LMAN2: variants seen among roughly 807,000 people sequenced by gnomAD.
LMAN2 encodes the protein vesicular integral-membrane protein VIP36.
LMAN2 carries 22 observed loss-of-function variants against 39.3 expected under a neutral mutation model. The ratio of observed to expected loss-of-function variants is 0.56; its 90% CI spans 0.40 to 0.80. LMAN2 has a LOEUF of 0.80. LMAN2 is among the 30% of genes least tolerant of loss of function. The pLI is 0.00. For synonymous variants in LMAN2, 207 were observed against 207.8 expected, an observed-to-expected ratio of 1.00 and a Z score of 0.03; for missense variants, 494 against 505.4, an observed-to-expected ratio of 0.98 and a Z score of 0.22.
intron 2 of LMAN2, among the ~76,000 whole-genome samples, chr5:177,349,219 CT>C (rs1241634627): frequency 5.9e-5 from 9 of 152,194 alleles, no homozygotes; most frequent in Non-Finnish European, 1.2e-4. Context: ...ACCACCCCCC[CT>C]GCACCACAGC....
chr5:177,337,531 C>T lies in LMAN2; in HGVS notation c.514-7G>A. ...AGATGTACGGGAACACGCGCTGGGA[C>T]CAAGACATCGGTTACTCCACAAGCA... On this transcript the variant is annotated splice_polypyrimidine_tract_variant and splice_region_variant and intron_variant, in intron 4 of 7. Transcript: ENST00000303127. This position sits in a 1 kb window ranked among gnomAD's most constrained non-coding sequence, Gnocchi z 8.2. 1 of 1,613,496 alleles carries T rather than the reference C, an allele frequency of 6.2e-7. No homozygotes were observed. Among genetic ancestry groups the T allele is most frequent in the South Asian group, 1.1e-5 (1 of 91,060 alleles).
intron 2 of LMAN2, among the ~76,000 whole-genome samples, chr5:177,347,303 C>T (rs540981529): frequency 1.2e-4 from 18 of 152,182 alleles, no homozygotes; most frequent in Admixed American, 5.9e-4. Context: ...AACCCACACA[C>T]CCATTCCCAG....
Position 177,337,314 on chromosome 5 carries a change from G to C in LMAN2, c.675+49C>G. On this transcript the variant is annotated intron_variant, in intron 5 of 7. Transcript: ENST00000303127. The surrounding 1 kb of genome is among the most constrained non-coding windows in gnomAD (Gnocchi z 8.2). Reference sequence around the variant, plus strand: ...AGCCTGCCCTCCTGAGCCTCTGTGGGACCAGCACAGGGCCACCAGCTGCCA... The same window carrying C: ...AGCCTGCCCTCCTGAGCCTCTGTGGCACCAGCACAGGGCCACCAGCTGCCA... The C allele has an allele frequency of 6.2e-7, 1 of 1,611,184 alleles. No homozygotes were observed. Among genetic ancestry groups the C allele is most frequent in the Non-Finnish European group, 8.5e-7 (1 of 1,179,698 alleles).
intron 3 of LMAN2, 99 bp downstream of exon 3, chr5:177,338,389 C>G (rs962719308): frequency 3.0e-4 from 272 of 896,580 alleles, no homozygotes; most frequent in Middle Eastern, 8.9e-4. Context: ...GACGCTGGTC[C>G]CCACGAGCCA....
rs1761484446 is a variant in LMAN2, at chr5:177,337,084, G to A, written c.790+52C>T. The A allele has an allele frequency of 1.4e-6, 2 of 1,380,662 alleles. No individual in the cohort carries two copies. Among genetic ancestry groups the A allele is most frequent in the African/African-American group, 2.8e-5 (2 of 70,534 alleles). The allele number at this position is 1,380,662 out of a possible 1,614,324, so 85.5% of individuals were successfully genotyped here. On this transcript the variant is annotated intron_variant, in intron 6 of 7. Transcript: ENST00000303127. This position sits in a 1 kb window ranked among gnomAD's most constrained non-coding sequence, Gnocchi z 8.2. Reference sequence around the variant, plus strand: ...CAATCAACTGCATGGAAAGCTCCCAGTCCCTCAGGGTGAGCTGGGCTGGGA... The same window carrying A: ...CAATCAACTGCATGGAAAGCTCCCAATCCCTCAGGGTGAGCTGGGCTGGGA...
At chr5:177,342,472 C>T (rs753328524) in intron 2 of LMAN2, among the ~76,000 whole-genome samples, 3 of 152,094 alleles carry the variant, frequency 2.0e-5, no homozygotes, top group East Asian at 1.9e-4. Flanking sequence ...ATCACCAGAG[C>T]GCAGAAGTTC....
In LMAN2 at chr5:177,339,584, T is replaced by A. The variant is rs148237638; in HGVS notation, c.316-979A>T. Among the ~76,000 whole-genome samples the A allele has an allele frequency of 7.7e-4, 117 of 152,204 alleles. 1 individual carries two copies. The highest frequency in any genetic ancestry group is 2.3e-3 in the African/African-American group (94 of 41,512). ...CACTTTCAGGAAGTCTGCAGATGGG[T>A]ATGTAAGCAAGTGATTAAACAAAGA... On this transcript the variant is annotated intron_variant, in intron 2 of 7. Transcript: ENST00000303127.
At chr5:177,339,404 G>C (rs192646862) in intron 2 of LMAN2, among the ~76,000 whole-genome samples, 39 of 152,356 alleles carry the variant, frequency 2.6e-4, no homozygotes, top group Non-Finnish European at 4.4e-4. Flanking sequence ...CTGGGGATGA[G>C]AGCTGGTCAG....
In LMAN2 at chr5:177,331,957, A is replaced by C. The variant is rs1030835155; in HGVS notation, c.*129T>G. 130 of 1,136,968 alleles carry C rather than the reference A, an allele frequency of 1.1e-4. 1 individual carries two copies. Among genetic ancestry groups the C allele is most frequent in the Middle Eastern group, 2.2e-4 (1 of 4,580 alleles). 70.4% of individuals were successfully genotyped at this position (1,136,968 alleles called of 1,614,324 possible). Reference sequence around the variant, plus strand: ...GCTGGGCAAGAAGCAAAATGTATGAAAATACTTTAATCATTTATTTGAAAC... The same window carrying C: ...GCTGGGCAAGAAGCAAAATGTATGACAATACTTTAATCATTTATTTGAAAC... On this transcript the variant is annotated 3_prime_UTR_variant, in exon 8 of 8. Coordinates refer to ENST00000303127, the MANE Select transcript of LMAN2 (RefSeq NM_006816.3).
chr5:177,335,044 T>G (rs146939303), intron 6 of LMAN2, among the ~76,000 whole-genome samples: 2 of 152,122 alleles, frequency 1.3e-5, no homozygotes, highest in Non-Finnish European at 2.9e-5. Flanking sequence ...GATCACCCAA[T>G]TGTAGAGATG....
chr5:177,339,924 C>G (rs1464989916), intron 2 of LMAN2, among the ~76,000 whole-genome samples: 2 of 152,072 alleles, frequency 1.3e-5, no homozygotes, highest in Non-Finnish European at 2.9e-5. Context: ...GCACCAGGAA[C>G]CCAGATAACA....
intron 2 of LMAN2, among the ~76,000 whole-genome samples, chr5:177,342,840 T>C (rs1761576902): frequency 6.6e-6 from 1 of 151,618 alleles, no homozygotes; most frequent in Non-Finnish European, 1.5e-5. Context: ...TGTACTTCAC[T>C]AAAACTAAAA....
intron 2 of LMAN2, among the ~76,000 whole-genome samples, chr5:177,348,950 C>G (rs1761680280): frequency 6.6e-6 from 1 of 150,786 alleles, no homozygotes; most frequent in African/African-American, 2.4e-5. Context: ...GTTTAAAATA[C>G]TGAACAGTTT....
At chr5:177,351,051 G>A in intron 2 of LMAN2, 122 bp downstream of exon 2, 1 of 827,304 alleles carries the variant, frequency 1.2e-6, no homozygotes, top group Non-Finnish European at 2.1e-6. Context: ...GTGTGACCGA[G>A]ATGAGGAAAA....
In LMAN2 at chr5:177,334,365, T is replaced by C. The variant is rs1242316841; in HGVS notation, c.829A>G (p.Met277Val). The change falls in exon 7 of 8, where the codon ATG (methionine) becomes GTG (valine). Residue 277 changes from methionine to valine, a missense_variant. Coordinates refer to ENST00000303127, the MANE Select transcript of LMAN2 (RefSeq NM_006816.3). The part of the protein sequence containing the change: ...DIISMKLFQL[M>V]VEHTPDEESI... ...TCCTCGTCGGGCGTGTGCTCCACCA[T>C]CAGCTGGAACAGCTTCATGGAGATG... 36 of 1,613,620 alleles carry C rather than the reference T, an allele frequency of 2.2e-5. No individual in the cohort carries two copies. Among genetic ancestry groups the C allele is most frequent in the Non-Finnish European group, 2.9e-5 (34 of 1,179,998 alleles).
intron 2 of LMAN2, among the ~76,000 whole-genome samples, chr5:177,345,177 C>CAA (rs55947322): frequency 1.7e-5 from 2 of 116,420 alleles, no homozygotes; most frequent in Admixed American, 1.8e-4. Context: ...CTACTTCTAC[C>CAA]AAAAAAAAAA....
At chr5:177,347,811 T>C (rs1761657005) in intron 2 of LMAN2, among the ~76,000 whole-genome samples, 2 of 152,212 alleles carry the variant, frequency 1.3e-5, no homozygotes, top group Admixed American at 6.5e-5. Context: ...TATTCAGTGA[T>C]GCTGCTCTAC....
intron 2 of LMAN2, among the ~76,000 whole-genome samples, chr5:177,343,572 C>A (rs1282396126): frequency 6.6e-6 from 1 of 152,146 alleles, no homozygotes; most frequent in East Asian, 1.9e-4. Flanking sequence ...TAGACACACA[C>A]ACACACACAC....
intron 6 of LMAN2, among the ~76,000 whole-genome samples, chr5:177,335,075 C>T (rs750857682): frequency 6.6e-5 from 10 of 152,200 alleles, no homozygotes; most frequent in East Asian, 1.9e-4. Flanking sequence ...GGCTCAAAGC[C>T]GACACGTGGG....
Sources: gnomAD v4.1 joint callset for allele counts (sites outside exome capture counted in the v4.1 genomes callset) on GRCh38, gnomAD v4.1.1 for gene constraint, Gnocchi (gnomAD v3.1) non-coding constraint, MANE v1.5 for transcripts, NCBI Gene and HGNC (gene_info 2026-07-23, HGNC 2026-07-21) for gene names.